SAR1A: variants seen among roughly 807,000 people sequenced by gnomAD.
SAR1A encodes the protein secretion associated Ras related GTPase 1A, also known as small COPII coat GTPase SAR1A.
A neutral mutation model predicts 22.6 loss-of-function variants in SAR1A; 6 were observed. That is an observed-to-expected ratio of 0.27 (90% CI 0.15 to 0.52). The LOEUF (loss-of-function observed/expected upper bound fraction) is 0.52. SAR1A is among the 20% of genes least tolerant of loss of function. The pLI is 0.96. For synonymous variants in SAR1A, 70 were observed against 82.2 expected, an observed-to-expected ratio of 0.85 and a Z score of 0.80; for missense variants, 145 against 245.1, an observed-to-expected ratio of 0.59 and a Z score of 2.73.
intron 5 of SAR1A, among the ~76,000 whole-genome samples, chr10:70,156,201 T>C (rs546827183): frequency 1.1e-4 from 16 of 152,196 alleles, no homozygotes; most frequent in Non-Finnish European, 2.1e-4. Flanking sequence ...TGAGAGTCAC[T>C]GACATGTAGG....
At chr10:70,156,444 A>T (rs1839386923) in intron 5 of SAR1A, among the ~76,000 whole-genome samples, 3 of 152,024 alleles carry the variant, frequency 2.0e-5, no homozygotes, top group African/African-American at 7.3e-5. Context: ...GCAGAGGATC[A>T]CCTGAAGCCA....
intron 6 of SAR1A, 35 bp from the exon 7 acceptor site, chr10:70,152,627 A>G: frequency 7.5e-7 from 1 of 1,337,652 alleles, no homozygotes; most frequent in Non-Finnish European, 1.1e-6. Flanking sequence ...GCCTGTTAGC[A>G]TCTCTGTGGT....
In SAR1A at chr10:70,147,339, T is replaced by G. The variant is rs1235779721; in HGVS notation, c.*5137A>C. ...GGCCTATATTTTACAGTGTGCACAT[T>G]TCACATAACATAACCACCAGCCAGG... On this transcript the variant is annotated 3_prime_UTR_variant, in exon 7 of 7. Transcript: ENST00000373241. The G allele has an allele frequency of 6.6e-6, 1 of 152,174 alleles. No individual in the cohort carries two copies. Among genetic ancestry groups the G allele is most frequent in the Non-Finnish European group, 1.5e-5 (1 of 68,026 alleles). 9.4% of individuals were successfully genotyped at this position (152,174 alleles called of 1,614,324 possible).
rs982749426 is a variant in SAR1A at position 70,151,346 on chromosome 10, G to GA, written c.*1129dup. 16 of 144,106 alleles carry GA rather than the reference G, an allele frequency of 1.1e-4. No homozygotes were observed. The highest frequency in any genetic ancestry group is 3.5e-4 in the Admixed American group (5 of 14,218). 8.9% of individuals were successfully genotyped at this position (144,106 alleles called of 1,614,324 possible). A position where few individuals can be genotyped will look rare whatever the true frequency, so the allele number is the denominator to read the frequency against. Reference sequence around the variant, plus strand: ...CACCAATAAAATAGGTGTCAAAGGAGAAAAAATGTAAAAAAAAGAGCTCCC... The same window carrying GA: ...CACCAATAAAATAGGTGTCAAAGGAGAAAAAAATGTAAAAAAAAGAGCTCCC... On this transcript the variant is annotated 3_prime_UTR_variant, in exon 7 of 7. Coordinates refer to ENST00000373241, the MANE Select transcript of SAR1A (RefSeq NM_020150.5).
At position 70,162,420 on chromosome 10, in the gene SAR1A, AG is replaced by A. The variant is rs369775469; in HGVS notation, c.-16-490del. On this transcript the variant is annotated intron_variant, in intron 1 of 6. Transcript: ENST00000373241. The stretch of plus-strand genomic sequence containing the variant: ...AAAGGAAAGGGAAAGGGAAAGGGAA[AG>A]GGAAAGGAAAGGAAAGGAAAAGAAA... Among the ~76,000 whole-genome samples, 109 of 76,236 alleles carry A rather than the reference AG, an allele frequency of 1.4e-3. 1 individual carries two copies. The highest frequency in any genetic ancestry group is 4.2e-3 in the East Asian group (7 of 1,654). 50.0% of individuals were successfully genotyped at this position (76,236 alleles called of 152,430 possible). A position where few individuals can be genotyped will look rare whatever the true frequency, so the allele number is the denominator to read the frequency against.
At position 70,150,400 on chromosome 10, in the gene SAR1A, A is replaced by G. The variant is rs111664341; in HGVS notation, c.*2076T>C. ...CTCCTCACAGCAGCTTCTTTCAGCT[A>G]TCTTATAGGAATAGTGTTCCGTGGG... On this transcript the variant is annotated 3_prime_UTR_variant, in exon 7 of 7. Transcript: ENST00000373241. 11 of 152,330 alleles carry G rather than the reference A, an allele frequency of 7.2e-5. No individual in the cohort carries two copies. The highest frequency in any genetic ancestry group is 1.3e-4 in the Non-Finnish European group (9 of 68,034). 9.4% of individuals were successfully genotyped at this position (152,330 alleles called of 1,614,324 possible).
intron 1 of SAR1A, among the ~76,000 whole-genome samples, chr10:70,170,185 G>A (rs996751696): frequency 6.6e-6 from 1 of 152,074 alleles, no homozygotes; most frequent in Non-Finnish European, 1.5e-5. Context: ...AGACCCCCGA[G>A]CGGAATGCAA....
rs1451996076 is a variant in SAR1A, at chr10:70,150,201, G to GT, written c.*2274dup. ...AATGAAAAAAAAAAAAGGAAATAGC[G>GT]TATTTGTTTTAACTTTTTATTAAAA... On this transcript the variant is annotated 3_prime_UTR_variant, in exon 7 of 7. Coordinates refer to ENST00000373241, the MANE Select transcript of SAR1A (RefSeq NM_020150.5). 4.6e-5 allele frequency: 7 copies of GT among 151,864 alleles called. No individual in the cohort carries two copies. In the South Asian group the frequency reaches 1.2e-3, roughly 27 times the overall value. The allele number at this position is 151,864 out of a possible 1,614,324, so 9.4% of individuals were successfully genotyped here. A position where few individuals can be genotyped will look rare whatever the true frequency, so the allele number is the denominator to read the frequency against.
At chr10:70,164,229 A>C (rs1388444311) in intron 1 of SAR1A, 4 of 576,114 alleles carry the variant, frequency 6.9e-6, no homozygotes, top group Non-Finnish European at 1.3e-5. Context: ...TGTCAAAAAA[A>C]AATATGCATG....
At chr10:70,158,752 T>G (rs1839427430) in intron 4 of SAR1A, among the ~76,000 whole-genome samples, 1 of 50,470 alleles carries the variant, frequency 2.0e-5, no homozygotes, top group Non-Finnish European at 3.4e-5. Flanking sequence ...AATTTTTAAG[T>G]TATACAAAAA....
At chr10:70,157,132 CG>C (rs1486278646) in intron 5 of SAR1A, among the ~76,000 whole-genome samples, 11 of 152,110 alleles carry the variant, frequency 7.2e-5, no homozygotes, top group African/African-American at 2.7e-4. Flanking sequence ...GGGCCAGGCG[CG>C]GTGGCTCATG....
intron 1 of SAR1A, chr10:70,164,014 C>A (rs1839512046): frequency 2.1e-6 from 2 of 931,000 alleles, no homozygotes; most frequent in Non-Finnish European, 3.6e-6. Flanking sequence ...CATGTGATGA[C>A]AAACCTTGGA....
At chr10:70,155,044 A>G in intron 5 of SAR1A, 1 of 511,080 alleles carries the variant, frequency 2.0e-6, no homozygotes, top group Non-Finnish European at 4.0e-6. Context: ...GCATTTAGAT[A>G]GACATGCAGC....
In SAR1A at chr10:70,161,367, A is replaced by C. The variant is rs1454026113; in HGVS notation, c.178+252T>G. 8 of 552,966 alleles carry C rather than the reference A, an allele frequency of 1.4e-5. No homozygotes were observed. In the East Asian group the frequency reaches 2.1e-4, roughly 14 times the overall value. 34.3% of individuals were successfully genotyped at this position (552,966 alleles called of 1,614,324 possible). ...CCAAAGGTTTCTTTTCTTCCAAGCTATTTTCCACTTCTTAGAAGTAGGTAT... is the reference window on the plus strand; with the variant it reads ...CCAAAGGTTTCTTTTCTTCCAAGCTCTTTTCCACTTCTTAGAAGTAGGTAT... On this transcript the variant is annotated intron_variant, in intron 3 of 6. Coordinates refer to ENST00000373241, the MANE Select transcript of SAR1A (RefSeq NM_020150.5).
In SAR1A at chr10:70,151,209, G is replaced by A. The variant is rs1186071049; in HGVS notation, c.*1267C>T. On this transcript the variant is annotated 3_prime_UTR_variant, in exon 7 of 7. Transcript: ENST00000373241. ...GAACAGCTCTACAGAAAGTTTTTGG[G>A]TTAGTGTTTCCCTAGCTTATTTCTG... 1 of 122,014 alleles carries A rather than the reference G, an allele frequency of 8.2e-6. No individual in the cohort carries two copies. Among genetic ancestry groups the A allele is most frequent in the African/African-American group, 3.2e-5 (1 of 31,480 alleles). The allele number at this position is 122,014 out of a possible 1,614,324, so 7.6% of individuals were successfully genotyped here. A position where few individuals can be genotyped will look rare whatever the true frequency, so the allele number is the denominator to read the frequency against.
Position 70,157,934 on chromosome 10 carries a change from T to C in SAR1A, c.245-67A>G, listed in dbSNP as rs1839415471. On this transcript the variant is annotated intron_variant, in intron 4 of 6. Coordinates refer to ENST00000373241, the MANE Select transcript of SAR1A (RefSeq NM_020150.5). ...ATTGTGAAAATGAATAACCTAATGG[T>C]CTATAAAATGGACAAATCTTGGTCG... The C allele has an allele frequency of 3.8e-6, 4 of 1,065,008 alleles. No homozygotes were observed. The South Asian group carries it at 5.4e-5, about 14-fold the overall frequency. 66.0% of individuals were successfully genotyped at this position (1,065,008 alleles called of 1,614,324 possible).
chr10:70,160,843 A>T (rs989984936), intron 4 of SAR1A, among the ~76,000 whole-genome samples, 161 bp downstream of exon 4: 19 of 152,206 alleles, frequency 1.2e-4, no homozygotes, highest in African/African-American at 4.6e-4. Context: ...GAAATTACTT[A>T]AAAAAATAAA....
chr10:70,161,394 G>A (rs1313873535), intron 3 of SAR1A: 6 of 593,600 alleles, frequency 1.0e-5, no homozygotes, highest in Non-Finnish European at 1.8e-5. Flanking sequence ...AGTAGGTATA[G>A]GAGAGGTGTC....
chr10:70,157,815 C>T lies in SAR1A; in HGVS notation c.297G>A (p.Leu99=). Reference sequence around the variant, plus strand: ...GGCGAGAATGATCTGCACAGTCCACCAGAAAGACAATCCCATTAATTGCTG... The same window carrying T: ...GGCGAGAATGATCTGCACAGTCCACTAGAAAGACAATCCCATTAATTGCTG... ...YLPAINGIVF[L]VDCADHSRLV... Residue 99 remains leucine, a synonymous_variant, in exon 5 of 7, where the codon CTG becomes CTA. Transcript: ENST00000373241. 6.2e-7 allele frequency: 1 copy of T among 1,613,810 alleles called. No individual in the cohort carries two copies. The highest frequency in any genetic ancestry group is 8.5e-7 in the Non-Finnish European group (1 of 1,179,894).
Sources: gnomAD v4.1 joint callset for allele counts (sites outside exome capture counted in the v4.1 genomes callset) on GRCh38, gnomAD v4.1.1 for gene constraint, MANE v1.5 for transcripts, NCBI Gene and HGNC (gene_info 2026-07-23, HGNC 2026-07-21) for gene names.